Variants in MAPRE2 observed in about 807,000 individuals in gnomAD.
MAPRE2 encodes the protein microtubule associated protein RP/EB family member 2.
In MAPRE2, 13 loss-of-function variants were observed where a neutral mutation model predicts 43.2. The ratio of observed to expected loss-of-function variants is 0.30; its 90% CI spans 0.20 to 0.48. The LOEUF (loss-of-function observed/expected upper bound fraction) is 0.48, where lower values mean the gene tolerates loss of function less well. MAPRE2 is among the 20% of genes least tolerant of loss of function. The pLI, the probability that MAPRE2 is intolerant of heterozygous loss-of-function variation, is 0.99. For synonymous variants in MAPRE2, 135 were observed against 148.8 expected (o/e 0.91, Z 0.68); for missense variants, 161 against 400.2 (o/e 0.40, Z 5.10).
chr18:35,140,211 T>C lies in MAPRE2; in HGVS notation c.910-84T>C, dbSNP rs1910567775. ...TGCCCTCCACAGCCTTGAGACGCCA[T>C]GCTGGCAGTGGCAATGGGCTGGGAT... On this transcript the variant is annotated intron_variant, in intron 6 of 6. Coordinates refer to ENST00000300249, the MANE Select transcript of MAPRE2 (RefSeq NM_014268.4). The C allele has an allele frequency of 8.9e-6, 11 of 1,229,920 alleles. No homozygotes were observed. The South Asian group carries it at 1.3e-4, about 14-fold the overall frequency. 76.2% of individuals were successfully genotyped at this position (1,229,920 alleles called of 1,614,324 possible). A position where few individuals can be genotyped will look rare whatever the true frequency, so the allele number is the denominator to read the frequency against.
At chr18:35,118,553 C>T (rs1909519712) in intron 4 of MAPRE2, among the ~76,000 whole-genome samples, 1 of 152,146 alleles carries the variant, frequency 6.6e-6, no homozygotes, top group African/African-American at 2.4e-5. Flanking sequence ...TTGTCTTGGG[C>T]ACTCACTGCT....
chr18:35,097,744 T>C (rs1372331357), intron 3 of MAPRE2, among the ~76,000 whole-genome samples, 153 bp downstream of exon 3: 4 of 152,138 alleles, frequency 2.6e-5, no homozygotes, highest in African/African-American at 9.7e-5. Flanking sequence ...TCACCCTAAG[T>C]TCTTGTATTT....
chr18:35,123,011 G>T (rs1183705014), intron 4 of MAPRE2, among the ~76,000 whole-genome samples: 1 of 152,222 alleles, frequency 6.6e-6, no homozygotes, highest in African/African-American at 2.4e-5. Flanking sequence ...AGTAACTGCA[G>T]CAGCTGTGCC....
At chr18:35,101,018 G>A (rs1216316275) in intron 3 of MAPRE2, among the ~76,000 whole-genome samples, 1 of 152,162 alleles carries the variant, frequency 6.6e-6, no homozygotes, top group African/African-American at 2.4e-5. Context: ...CATCCTGGGC[G>A]ACAAGAGTGA....
chr18:35,124,637 G>T (rs1046549768), intron 4 of MAPRE2, among the ~76,000 whole-genome samples: 1 of 152,120 alleles, frequency 6.6e-6, no homozygotes, highest in African/African-American at 2.4e-5. Flanking sequence ...GTGTGTAAGG[G>T]GTGTTGATCA....
intron 2 of MAPRE2, among the ~76,000 whole-genome samples, chr18:35,084,772 A>G (rs543970886): frequency 3.4e-4 from 52 of 152,264 alleles, no homozygotes; most frequent in Non-Finnish European, 6.5e-4. Context: ...AATAGGAATA[A>G]AAAGCTTCTG....
chr18:35,040,093 C>T (rs1454723435), upstream of MAPRE2, among the ~76,000 whole-genome samples: 9 of 152,224 alleles, frequency 5.9e-5, no homozygotes, highest in Non-Finnish European at 1.0e-4. Flanking sequence ...ATCCCACCTA[C>T]TCAGGAGGCT....
chr18:35,104,307 G>T (rs996731558), intron 4 of MAPRE2, among the ~76,000 whole-genome samples: 2 of 152,104 alleles, frequency 1.3e-5, no homozygotes, highest in African/African-American at 4.8e-5. Flanking sequence ...TGGAAGTGGA[G>T]GCAGTAAGAG....
chr18:35,127,267 A>C (rs1909949922), intron 5 of MAPRE2, 180 bp downstream of exon 5: 1 of 609,462 alleles, frequency 1.6e-6, no homozygotes, highest in Non-Finnish European at 2.8e-6. Flanking sequence ...ATGAATAAAA[A>C]GTGTTAGTCA....
intron 4 of MAPRE2, among the ~76,000 whole-genome samples, chr18:35,115,824 A>G (rs79931578): frequency 0.046 from 6,974 of 152,300 alleles, 337 homozygotes; most frequent in East Asian, 0.23. Flanking sequence ...TTGTGCTGCT[A>G]TAAACATGTG....
chr18:35,099,153 CT>C (rs1908559008), intron 3 of MAPRE2, among the ~76,000 whole-genome samples: 1 of 152,146 alleles, frequency 6.6e-6, no homozygotes, highest in African/African-American at 2.4e-5. Flanking sequence ...GTGTCTAAAA[CT>C]ATTTATAAAT....
chr18:34,987,135 G>T (rs1472298778), intron 1 of MAPRE2, among the ~76,000 whole-genome samples: 1 of 152,104 alleles, frequency 6.6e-6, no homozygotes, highest in East Asian at 1.9e-4. Context: ...TTTTAATTTT[G>T]TAAGATATTT....
chr18:35,028,037 A>G (rs1322057206), intron 2 of MAPRE2, among the ~76,000 whole-genome samples: 2 of 152,228 alleles, frequency 1.3e-5, no homozygotes, highest in African/African-American at 4.8e-5. Context: ...TGGTAGTCCC[A>G]GGGTAGCTGA....
intron 3 of MAPRE2, among the ~76,000 whole-genome samples, chr18:35,099,921 G>T (rs542367046): frequency 1.6e-4 from 24 of 152,200 alleles, no homozygotes; most frequent in Admixed American, 5.9e-4. Context: ...AATTTTCATT[G>T]ATATGTAAGG....
At chr18:35,068,201 A>G (rs1273513755) in intron 1 of MAPRE2, among the ~76,000 whole-genome samples, 1 of 152,230 alleles carries the variant, frequency 6.6e-6, no homozygotes, top group East Asian at 1.9e-4. Context: ...TCTAAAACCT[A>G]TATACTATAG....
intron 4 of MAPRE2, among the ~76,000 whole-genome samples, chr18:35,120,501 A>G (rs1354394957): frequency 6.6e-6 from 1 of 152,240 alleles, no homozygotes; most frequent in African/African-American, 2.4e-5. Context: ...CCCTCAGCTC[A>G]GAGCAGATTA....
chr18:35,140,185 G>A (rs967854644), intron 6 of MAPRE2, 110 bp from the exon 7 acceptor site: 1 of 921,272 alleles, frequency 1.1e-6, no homozygotes, highest in Admixed American at 2.1e-5. Context: ...ACTAAGCCTG[G>A]TGCCCTCCAC....
intron 1 of MAPRE2, chr18:34,984,554 C>A (rs999282965): frequency 6.6e-6 from 1 of 151,410 alleles, no homozygotes; most frequent in Non-Finnish European, 1.5e-5. Context: ...ATCCTAACAC[C>A]AGTGATAGTA....
chr18:35,041,139 T>TA (rs1905319537), upstream of MAPRE2, among the ~76,000 whole-genome samples: 1 of 152,184 alleles, frequency 6.6e-6, no homozygotes, highest in Non-Finnish European at 1.5e-5. Context: ...AGGAAATGGT[T>TA]AGAGGAAGAG....
Sources: gnomAD v4.1 joint callset for allele counts (sites outside exome capture counted in the v4.1 genomes callset) on GRCh38, gnomAD v4.1.1 for gene constraint, MANE v1.5 for transcripts, NCBI Gene and HGNC (gene_info 2026-07-23, HGNC 2026-07-21) for gene names.